The following TNKS variants were observed in gnomAD, a reference collection of about 807,000 sequenced individuals.
TNKS encodes tankyrase.
In TNKS, 72 loss-of-function variants were observed where a neutral mutation model predicts 135.8. That is an observed-to-expected ratio of 0.53 (90% CI 0.44 to 0.64). The LOEUF is 0.64. TNKS is among the 30% of genes least tolerant of loss of function. The probability of loss-of-function intolerance (pLI) is 0.00; values close to 1 mark genes in which losing one functional copy is unlikely to be tolerated. For missense variants in TNKS, 1,769 were observed against 1,674.0 expected (o/e 1.06, Z -0.99); for synonymous variants, 849 against 649.3 (o/e 1.31, Z -4.68).
intron 2 of TNKS, among the ~76,000 whole-genome samples, chr8:9,589,422 C>G (rs905911029): frequency 6.6e-6 from 1 of 152,190 alleles, no homozygotes; most frequent in Non-Finnish European, 1.5e-5. Context: ...GTCAGGAAAA[C>G]CAAGAATTTT....
chr8:9,565,362 C>T (rs578063931), intron 1 of TNKS, among the ~76,000 whole-genome samples: 3 of 152,176 alleles, frequency 2.0e-5, no homozygotes, highest in Admixed American at 1.3e-4. Context: ...TTCAGTAGAA[C>T]AAACTAAACT....
chr8:9,664,838 T>C (rs1209728095), intron 3 of TNKS, among the ~76,000 whole-genome samples: 2 of 152,232 alleles, frequency 1.3e-5, no homozygotes, highest in Admixed American at 1.3e-4. Context: ...AGAGGTTAGC[T>C]AATCTAACCT....
intron 3 of TNKS, among the ~76,000 whole-genome samples, chr8:9,652,020 G>GT (rs1801165667): frequency 6.6e-6 from 1 of 152,084 alleles, no homozygotes; most frequent in Non-Finnish European, 1.5e-5. Flanking sequence ...ATAATTTAAA[G>GT]TAAATGTGAA....
At chr8:9,680,831 T>C (rs1195494189) in intron 5 of TNKS, 31 bp downstream of exon 5, 10 of 1,573,360 alleles carry the variant, frequency 6.4e-6, no homozygotes, top group East Asian at 4.5e-5. Flanking sequence ...TCCTCTTTAA[T>C]TGCAATGCTT....
At chr8:9,743,802 C>T (rs184849988) in intron 17 of TNKS, among the ~76,000 whole-genome samples, 126 of 152,298 alleles carry the variant, frequency 8.3e-4, no homozygotes, top group African/African-American at 2.9e-3. Context: ...AGTTCCTGTA[C>T]TAAGCCAGTC....
chr8:9,717,486 A>G (rs1250354578), intron 11 of TNKS, among the ~76,000 whole-genome samples: 1 of 152,096 alleles, frequency 6.6e-6, no homozygotes. Context: ...CTCAATTTCC[A>G]GGGAAAGAGG....
intron 2 of TNKS, among the ~76,000 whole-genome samples, chr8:9,582,237 A>G (rs1457958608): frequency 1.3e-5 from 2 of 152,130 alleles, no homozygotes; most frequent in Admixed American, 1.3e-4. Flanking sequence ...GAATATGGTT[A>G]AGGAATTCTG....
In TNKS at chr8:9,706,805, A is replaced by G. The variant is rs1224025923; in HGVS notation, c.1270-6A>G. On this transcript the variant is annotated splice_polypyrimidine_tract_variant and splice_region_variant and intron_variant, in intron 7 of 26. Coordinates refer to ENST00000310430, the MANE Select transcript of TNKS (RefSeq NM_003747.3). Reference sequence around the variant, plus strand: ...CTGACCTAAAATGTTTTTTTTCTCAATTCAGCATGGAGCTTGTGTTAATGC... The same window carrying G: ...CTGACCTAAAATGTTTTTTTTCTCAGTTCAGCATGGAGCTTGTGTTAATGC... 1.9e-6 allele frequency: 3 copies of G among 1,593,952 alleles called. No homozygotes were observed. Among genetic ancestry groups the G allele is most frequent in the Non-Finnish European group, 2.6e-6 (3 of 1,174,580 alleles).
At chr8:9,673,531 G>C (rs984177611) in intron 3 of TNKS, among the ~76,000 whole-genome samples, 1 of 144,274 alleles carries the variant, frequency 6.9e-6, no homozygotes, top group African/African-American at 2.6e-5. Context: ...TGCAACCTCT[G>C]CCTCCCAGGT....
intron 20 of TNKS, 55 bp from the exon 21 acceptor site, chr8:9,761,461 T>G (rs1303484329): frequency 1.3e-6 from 2 of 1,584,748 alleles, no homozygotes; most frequent in African/African-American, 2.7e-5. Flanking sequence ...GGAAAAGCTT[T>G]TGTCCTCTTA....
chr8:9,751,879 T>C, intron 19 of TNKS, 33 bp downstream of exon 19: 3 of 1,594,022 alleles, frequency 1.9e-6, no homozygotes, highest in South Asian at 1.1e-5. Context: ...TATTTATTTA[T>C]ACCTTTTGTT....
At chr8:9,749,982 C>T (rs1439379010) in intron 18 of TNKS, among the ~76,000 whole-genome samples, 1 of 152,136 alleles carries the variant, frequency 6.6e-6, no homozygotes, top group Non-Finnish European at 1.5e-5. Flanking sequence ...TTGGATTTCC[C>T]ATCAAATTAC....
chr8:9,717,101 A>ATATATATATATATATATTTTTT, intron 11 of TNKS, among the ~76,000 whole-genome samples: 1 of 119,322 alleles, frequency 8.4e-6, no homozygotes, highest in Middle Eastern at 4.4e-3. Context: ...ATATATATAT[A>ATATATATATATATATATTTTTT]TTTTCAGGGA....
chr8:9,635,009 C>CA lies in TNKS; in HGVS notation c.994+19341dup, dbSNP rs576288785. Among the ~76,000 whole-genome samples the CA allele has an allele frequency of 3.4e-3, 505 of 149,814 alleles. 1 individual carries two copies. Among genetic ancestry groups the CA allele is most frequent in the East Asian group, 7.6e-3 (39 of 5,110 alleles). Reference sequence around the variant, plus strand: ...TGAAACCCCGTCTCTACTAAAAATACAAAAAAAAATATTAGCCGGGCGCGG... The same window carrying CA: ...TGAAACCCCGTCTCTACTAAAAATACAAAAAAAAAATATTAGCCGGGCGCGG... On this transcript the variant is annotated intron_variant, in intron 3 of 26. Coordinates refer to ENST00000310430, the MANE Select transcript of TNKS (RefSeq NM_003747.3).
chr8:9,606,137 G>A (rs1247650276), intron 2 of TNKS, among the ~76,000 whole-genome samples: 7 of 135,532 alleles, frequency 5.2e-5, no homozygotes, highest in African/African-American at 1.6e-4. Context: ...TGTGGTGTGC[G>A]GTAAGAGTTA....
At chr8:9,573,110 C>G (rs1006811746) in intron 1 of TNKS, among the ~76,000 whole-genome samples, 2 of 151,842 alleles carry the variant, frequency 1.3e-5, no homozygotes, top group East Asian at 3.9e-4. Flanking sequence ...TAATGATGAA[C>G]AAGTCACATT....
intron 1 of TNKS, among the ~76,000 whole-genome samples, chr8:9,576,461 C>G (rs1406518890): frequency 6.6e-6 from 1 of 151,406 alleles, no homozygotes; most frequent in African/African-American, 2.4e-5. Flanking sequence ...TGCCACCACC[C>G]CCCTCTTTTT....
At chr8:9,655,068 G>T (rs1383227543) in intron 3 of TNKS, among the ~76,000 whole-genome samples, 2 of 152,166 alleles carry the variant, frequency 1.3e-5, no homozygotes, top group African/African-American at 4.8e-5. Context: ...CTTTTCCAAC[G>T]GGCTTAATGG....
chr8:9,587,671 G>A (rs899655540), intron 2 of TNKS, among the ~76,000 whole-genome samples: 3 of 152,244 alleles, frequency 2.0e-5, no homozygotes, highest in Non-Finnish European at 4.4e-5. Flanking sequence ...CAAAGTGCTG[G>A]GATTACAGGC....
Sources: gnomAD v4.1 joint callset for allele counts (sites outside exome capture counted in the v4.1 genomes callset) on GRCh38, gnomAD v4.1.1 for gene constraint, MANE v1.5 for transcripts, NCBI Gene and HGNC (gene_info 2026-07-23, HGNC 2026-07-21) for gene names.